AUTS2: variants seen among roughly 807,000 people sequenced by gnomAD.
The protein encoded by AUTS2 is autism susceptibility gene 2 protein.
In AUTS2, 17 loss-of-function variants were observed where a neutral mutation model predicts 112.4. The ratio of observed to expected loss-of-function variants is 0.15; its 90% CI spans 0.10 to 0.23. AUTS2 has a LOEUF of 0.23. Ranked by LOEUF, AUTS2 falls within the 10% of genes least tolerant of loss-of-function variation. The pLI is 1.00. For synonymous variants in AUTS2, 751 were observed against 702.7 expected (o/e 1.07, Z -1.09); for missense variants, 1,510 against 1,701.6 (o/e 0.89, Z 1.98).
chr7:69,646,656 T>C (rs1795033155), intron 1 of AUTS2, among the ~76,000 whole-genome samples: 1 of 152,146 alleles, frequency 6.6e-6, no homozygotes, highest in Admixed American at 6.5e-5. Flanking sequence ...TTAGAGACAA[T>C]TTCCTTAAAA....
At chr7:70,756,703 C>G (rs1789234302) in intron 6 of AUTS2, among the ~76,000 whole-genome samples, 1 of 152,082 alleles carries the variant, frequency 6.6e-6, no homozygotes, top group Non-Finnish European at 1.5e-5. Context: ...AATACATGGT[C>G]ATGGAGATTC....
intron 5 of AUTS2, among the ~76,000 whole-genome samples, chr7:70,479,471 G>A (rs755435526): frequency 4.6e-5 from 7 of 152,210 alleles, no homozygotes; most frequent in Admixed American, 2.0e-4. Flanking sequence ...CCACTTCCCC[G>A]GAGTCCACAG....
intron 4 of AUTS2, among the ~76,000 whole-genome samples, chr7:70,308,727 C>T (rs781612591): frequency 2.0e-5 from 3 of 152,152 alleles, no homozygotes; most frequent in East Asian, 3.9e-4. Flanking sequence ...GTGTACCACA[C>T]GGCACAAGTA....
chr7:70,086,640 CA>C (rs71068015), intron 2 of AUTS2, among the ~76,000 whole-genome samples: 1,323 of 83,528 alleles, frequency 0.016, 3 homozygotes, highest in South Asian at 0.034. Flanking sequence ...GACTCCATCT[CA>C]AAAAAAAAAA....
In AUTS2 at chr7:70,775,297, T is replaced by G; in HGVS notation, c.1903-60T>G. On this transcript the variant is annotated intron_variant, in intron 12 of 18. Transcript: ENST00000342771. ...TCCTAATGAAGCACTACAAATTTGT[T>G]AATTAGAGCAATTGTTTGAGTGACA... 4.1e-6 allele frequency: 6 copies of G among 1,461,730 alleles called. No homozygotes were observed. The South Asian group carries it at 4.8e-5, about 12-fold the overall frequency. The allele number at this position is 1,461,730 out of a possible 1,614,324, so 90.5% of individuals were successfully genotyped here. A position where few individuals can be genotyped will look rare whatever the true frequency, so the allele number is the denominator to read the frequency against.
intron 4 of AUTS2, among the ~76,000 whole-genome samples, chr7:70,392,630 C>G (rs911858911): frequency 2.6e-5 from 4 of 152,158 alleles, no homozygotes; most frequent in African/African-American, 9.7e-5. Context: ...CATTAGAATT[C>G]AAAGAACATC....
intron 5 of AUTS2, among the ~76,000 whole-genome samples, chr7:70,523,889 G>T (rs1462639880): frequency 6.6e-6 from 1 of 152,150 alleles, no homozygotes; most frequent in Non-Finnish European, 1.5e-5. Flanking sequence ...TCCCGCCTGG[G>T]TTTCTCACTG....
chr7:69,879,289 A>G (rs1421674110), intron 1 of AUTS2, among the ~76,000 whole-genome samples: 2 of 150,152 alleles, frequency 1.3e-5, no homozygotes, highest in African/African-American at 2.5e-5. Context: ...GACTACAGGC[A>G]TGTGCCACCA....
At chr7:69,783,776 C>T (rs1056189400) in intron 1 of AUTS2, among the ~76,000 whole-genome samples, 1 of 152,146 alleles carries the variant, frequency 6.6e-6, no homozygotes, top group African/African-American at 2.4e-5. Context: ...TTTCTGAGGT[C>T]TGGGATTTAT....
At chr7:70,157,164 A>G (rs1214618477) in intron 4 of AUTS2, among the ~76,000 whole-genome samples, 1 of 151,174 alleles carries the variant, frequency 6.6e-6, no homozygotes, top group Non-Finnish European at 1.5e-5. Flanking sequence ...GTCACTTTTT[A>G]GTATTTTCTC....
chr7:69,959,407 G>A (rs1183805740), intron 2 of AUTS2, among the ~76,000 whole-genome samples: 1 of 152,084 alleles, frequency 6.6e-6, no homozygotes, highest in African/African-American at 2.4e-5. Flanking sequence ...TACAAATTTG[G>A]AGTCAGAGAA....
intron 1 of AUTS2, among the ~76,000 whole-genome samples, chr7:69,650,138 C>T (rs535625826): frequency 1.3e-5 from 2 of 152,210 alleles, no homozygotes; most frequent in African/African-American, 4.8e-5. Context: ...GGATGATTAA[C>T]TTATTAAATT....
intron 4 of AUTS2, among the ~76,000 whole-genome samples, chr7:70,424,407 AGATGGTAC>A (rs1375312797): frequency 6.6e-6 from 1 of 152,180 alleles, no homozygotes; most frequent in Admixed American, 6.5e-5. Context: ...AGAGAGAGTG[AGATGGTAC>A]GTTATACTGG....
intron 2 of AUTS2, among the ~76,000 whole-genome samples, chr7:70,021,511 A>T (rs1338390769): frequency 6.6e-6 from 1 of 151,864 alleles, no homozygotes; most frequent in Admixed American, 6.6e-5. Context: ...TGAATTCATC[A>T]CTCCTAAAAC....
rs568314592 is a variant in AUTS2 at position 69,728,777 on chromosome 7, C to A, written c.309+128815C>A. On this transcript the variant is annotated intron_variant, in intron 1 of 18. Coordinates refer to ENST00000342771, the MANE Select transcript of AUTS2 (RefSeq NM_015570.4). Reference sequence around the variant, plus strand: ...AGTCCCTCTTTCTGAAATACACGTTCCCTAAACAGCTGTAGAGAATTAATT... The same window carrying A: ...AGTCCCTCTTTCTGAAATACACGTTACCTAAACAGCTGTAGAGAATTAATT... Among the ~76,000 whole-genome samples the A allele has an allele frequency of 6.0e-5, 9 of 150,606 alleles. No individual in the cohort carries two copies. In the East Asian group the frequency reaches 1.6e-3, roughly 26 times the overall value.
In AUTS2 at chr7:70,659,122, C is replaced by T. The variant is rs1182848683; in HGVS notation, c.691-39447C>T. Among the ~76,000 whole-genome samples, 10 of 152,246 alleles carry T rather than the reference C, an allele frequency of 6.6e-5. 1 individual carries two copies. The South Asian group carries it at 2.1e-3, about 32-fold the overall frequency. On this transcript the variant is annotated intron_variant, in intron 5 of 18. Coordinates refer to ENST00000342771, the MANE Select transcript of AUTS2 (RefSeq NM_015570.4). Reference sequence around the variant, plus strand: ...TAGCTTTCTTTGGGTGCTTGACCACCGCCTGTTCTCAGGGGGGACAAGGAG... The same window carrying T: ...TAGCTTTCTTTGGGTGCTTGACCACTGCCTGTTCTCAGGGGGGACAAGGAG...
At chr7:69,745,814 A>G (rs150969316) in intron 1 of AUTS2, among the ~76,000 whole-genome samples, 14 of 152,284 alleles carry the variant, frequency 9.2e-5, no homozygotes, top group African/African-American at 2.9e-4. Flanking sequence ...TGGGTTTAGT[A>G]GATGTCTTGC....
chr7:70,120,661 G>T (rs1479157975), intron 3 of AUTS2, among the ~76,000 whole-genome samples: 1 of 152,044 alleles, frequency 6.6e-6, no homozygotes, highest in Admixed American at 6.6e-5. Flanking sequence ...AGCTGCCATT[G>T]GATCTTTTGG....
chr7:69,944,097 G>A (rs1210972896), intron 2 of AUTS2, among the ~76,000 whole-genome samples: 7 of 152,138 alleles, frequency 4.6e-5, no homozygotes, highest in Non-Finnish European at 1.0e-4. Flanking sequence ...TTAGTTAATG[G>A]AAGTGCAAGT....
Sources: gnomAD v4.1 joint callset for allele counts (sites outside exome capture counted in the v4.1 genomes callset) on GRCh38, gnomAD v4.1.1 for gene constraint, MANE v1.5 for transcripts, NCBI Gene and HGNC (gene_info 2026-07-23, HGNC 2026-07-21) for gene names.